The following TSPAN12 variants were observed in gnomAD, a reference collection of about 807,000 sequenced individuals.
TSPAN12 encodes tetraspanin-12.
A neutral mutation model predicts 39.2 loss-of-function variants in TSPAN12; 19 were observed. That is an observed-to-expected ratio of 0.49 (90% CI 0.34 to 0.71). TSPAN12 has a LOEUF of 0.71. TSPAN12 is among the 30% of genes least tolerant of loss of function. The pLI, the probability that TSPAN12 is intolerant of heterozygous loss-of-function variation, is 0.01. For missense variants in TSPAN12, 314 were observed against 359.9 expected, an observed-to-expected ratio of 0.87 and a Z score of 1.03; for synonymous variants, 119 against 124.8, an observed-to-expected ratio of 0.95 and a Z score of 0.31.
chr7:120,807,079 A>G (rs1793889319), intron 6 of TSPAN12, among the ~76,000 whole-genome samples: 2 of 152,082 alleles, frequency 1.3e-5, no homozygotes, highest in South Asian at 2.1e-4. Flanking sequence ...AAATTTTTCT[A>G]TTGCCCAACA....
intron 4 of TSPAN12, among the ~76,000 whole-genome samples, chr7:120,832,250 A>G (rs1794403445): frequency 6.6e-6 from 1 of 152,024 alleles, no homozygotes; most frequent in African/African-American, 2.4e-5. Context: ...AGGGCTTTCT[A>G]TTGTCTCCCG....
intron 2 of TSPAN12, among the ~76,000 whole-genome samples, chr7:120,853,873 A>C (rs79219118): frequency 8.7e-5 from 11 of 126,178 alleles, no homozygotes; most frequent in East Asian, 4.3e-4. Flanking sequence ...ACTCCGTCCC[A>C]AAAAAAAAAA....
intron 4 of TSPAN12, among the ~76,000 whole-genome samples, chr7:120,820,911 T>C (rs1181828207): frequency 1.3e-5 from 2 of 152,144 alleles, no homozygotes; most frequent in African/African-American, 2.4e-5. Context: ...GCCTCTCTTT[T>C]ACCAGTGTCT....
chr7:120,848,426 G>A (rs542304341), intron 2 of TSPAN12, among the ~76,000 whole-genome samples: 1 of 152,246 alleles, frequency 6.6e-6, no homozygotes, highest in South Asian at 2.1e-4. Flanking sequence ...AAGGGAGATG[G>A]TTTCATCCTG....
In TSPAN12 at chr7:120,806,593, A is replaced by G; in HGVS notation, c.568T>C (p.Ser190Pro). The change falls in exon 7 of 8, where the codon TCC becomes CCC. Residue 190 changes from serine to proline, a missense_variant. By Grantham distance (74) the Ser-to-Pro change is moderately conservative (BLOSUM62 -1). Transcript: ENST00000222747. ...AGATCTTCCTGGTGGGCCTGTTTGG[A>G]ACATCCTGGGAATTCTCTAACACAG... is the stretch of plus-strand genomic sequence containing the variant. Reference protein sequence around the residue: ...SCCVREFPGCSKQAHQEDLSD... With the variant: ...SCCVREFPGCPKQAHQEDLSD... The G allele has an allele frequency of 6.2e-7, 1 of 1,613,564 alleles. No homozygotes were observed. Among genetic ancestry groups the G allele is most frequent in the Non-Finnish European group, 8.5e-7 (1 of 1,179,644 alleles).
At chr7:120,799,200 T>C (rs909616016) in intron 7 of TSPAN12, among the ~76,000 whole-genome samples, 1 of 151,660 alleles carries the variant, frequency 6.6e-6, no homozygotes, top group African/African-American at 2.4e-5. Context: ...GCAATTTACT[T>C]GGTCTGAAGT....
chr7:120,812,592 CT>C (rs1014297682), intron 5 of TSPAN12, among the ~76,000 whole-genome samples: 112 of 151,494 alleles, frequency 7.4e-4, no homozygotes, highest in African/African-American at 2.7e-3. Context: ...TCTTTGTTAA[CT>C]TTTTTTTTGA....
chr7:120,802,539 G>A (rs531440766), intron 7 of TSPAN12, among the ~76,000 whole-genome samples: 2 of 151,816 alleles, frequency 1.3e-5, no homozygotes, highest in Non-Finnish European at 2.9e-5. Flanking sequence ...GTATGTATCC[G>A]TAACTAGAAT....
chr7:120,828,353 A>G (rs1197514489), intron 4 of TSPAN12, among the ~76,000 whole-genome samples: 1 of 152,172 alleles, frequency 6.6e-6, no homozygotes, highest in Non-Finnish European at 1.5e-5. Context: ...AGTATGCATG[A>G]CATTCAATTT....
At chr7:120,822,589 T>A (rs556914768) in intron 4 of TSPAN12, among the ~76,000 whole-genome samples, 1 of 152,166 alleles carries the variant, frequency 6.6e-6, no homozygotes, top group South Asian at 2.1e-4. Context: ...GCTAAAGCAA[T>A]AGTGGGAAAA....
At chr7:120,825,318 A>G (rs1427152190) in intron 4 of TSPAN12, among the ~76,000 whole-genome samples, 1 of 152,188 alleles carries the variant, frequency 6.6e-6, no homozygotes, top group Non-Finnish European at 1.5e-5. Context: ...CGGTTTTTTC[A>G]TGAGTAACAT....
chr7:120,799,443 T>C (rs1793696580), intron 7 of TSPAN12, among the ~76,000 whole-genome samples: 1 of 137,990 alleles, frequency 7.2e-6, no homozygotes, highest in African/African-American at 2.7e-5. Context: ...ATATATAATT[T>C]AATTTATATA....
chr7:120,834,368 G>T (rs1794439790), intron 4 of TSPAN12, among the ~76,000 whole-genome samples: 2 of 152,136 alleles, frequency 1.3e-5, no homozygotes, highest in African/African-American at 4.8e-5. Context: ...TTCAAAAGAA[G>T]GATGAAATTC....
At chr7:120,846,891 T>A (rs1294119716) in intron 2 of TSPAN12, among the ~76,000 whole-genome samples, 1 of 152,150 alleles carries the variant, frequency 6.6e-6, no homozygotes, top group Non-Finnish European at 1.5e-5. Flanking sequence ...AGGATAATTA[T>A]CAAGTTACTC....
intron 2 of TSPAN12, among the ~76,000 whole-genome samples, chr7:120,850,886 C>T (rs1008647301): frequency 3.3e-5 from 5 of 152,142 alleles, no homozygotes; most frequent in East Asian, 1.9e-4. Context: ...GACAGGGTTT[C>T]GCCATTTTGG....
At chr7:120,846,218 C>T (rs1283293554) in intron 2 of TSPAN12, among the ~76,000 whole-genome samples, 1 of 152,204 alleles carries the variant, frequency 6.6e-6, no homozygotes, top group African/African-American at 2.4e-5. Context: ...TCACCTCACA[C>T]CAGGCCTCTC....
rs1794881045 is a variant in TSPAN12, at chr7:120,856,818, G to A, written c.-55C>T. On this transcript the variant is annotated 5_prime_UTR_variant, in exon 2 of 8. Coordinates refer to ENST00000222747, the MANE Select transcript of TSPAN12 (RefSeq NM_012338.4). Reference sequence around the variant, plus strand: ...CTTTCACCACATCCTACTCCCAAGGGCAAAACGGCAGCGATCTGCAGGGGG... The same window carrying A: ...CTTTCACCACATCCTACTCCCAAGGACAAAACGGCAGCGATCTGCAGGGGG... 6.3e-7 allele frequency: 1 copy of A among 1,593,380 alleles called. No homozygotes were observed. Among genetic ancestry groups the A allele is most frequent in the Non-Finnish European group, 8.6e-7 (1 of 1,161,320 alleles).
chr7:120,803,873 A>G (rs1233776324), intron 7 of TSPAN12, among the ~76,000 whole-genome samples: 1 of 152,170 alleles, frequency 6.6e-6, no homozygotes, highest in African/African-American at 2.4e-5. Flanking sequence ...AGTGAAAACA[A>G]TCTAAGAAAA....
chr7:120,847,332 C>T (rs1794689838), intron 2 of TSPAN12, among the ~76,000 whole-genome samples: 1 of 151,654 alleles, frequency 6.6e-6, no homozygotes. Flanking sequence ...CTTAATCTTT[C>T]TCAGTCAGTC....
Sources: gnomAD v4.1 joint callset for allele counts (sites outside exome capture counted in the v4.1 genomes callset) on GRCh38, gnomAD v4.1.1 for gene constraint, MANE v1.5 for transcripts, NCBI Gene and HGNC (gene_info 2026-07-23, HGNC 2026-07-21) for gene names.